WDR7: variants seen among roughly 807,000 people sequenced by gnomAD.
WDR7 encodes WD repeat-containing protein 7.
WDR7 carries 46 observed loss-of-function variants against 169.4 expected under a neutral mutation model. The ratio of observed to expected loss-of-function variants is 0.27; its 90% CI spans 0.21 to 0.35. WDR7 has a LOEUF of 0.35. WDR7 is among the 10% of genes least tolerant of loss of function. WDR7 has a pLI of 1.00. For synonymous variants in WDR7, 612 were observed against 666.8 expected, an observed-to-expected ratio of 0.92 and a Z score of 1.27; for missense variants, 1,534 against 1,859.3, an observed-to-expected ratio of 0.83 and a Z score of 3.22.
At chr18:56,941,031 AAGG>A (rs2047029624) in intron 25 of WDR7, among the ~76,000 whole-genome samples, 1 of 152,176 alleles carries the variant, frequency 6.6e-6, no homozygotes, top group African/African-American at 2.4e-5. Flanking sequence ...ATTTGGCGGA[AAGG>A]AGTTCTATTT....
At chr18:56,981,714 A>G (rs556227326) in intron 26 of WDR7, among the ~76,000 whole-genome samples, 1 of 152,320 alleles carries the variant, frequency 6.6e-6, no homozygotes, top group African/African-American at 2.4e-5. Context: ...AGATTTGGCA[A>G]CAGAAGGTCA....
At chr18:56,891,388 A>G (rs1007668215) in intron 21 of WDR7, among the ~76,000 whole-genome samples, 2 of 152,134 alleles carry the variant, frequency 1.3e-5, no homozygotes, top group African/African-American at 2.4e-5. Context: ...GGAATAGTAT[A>G]TAACAGTAGC....
intron 25 of WDR7, among the ~76,000 whole-genome samples, chr18:56,948,881 C>G (rs1318138045): frequency 6.6e-6 from 1 of 152,192 alleles, no homozygotes; most frequent in East Asian, 1.9e-4. Context: ...CTGACCATTG[C>G]TGAGTTCCAA....
intron 20 of WDR7, among the ~76,000 whole-genome samples, chr18:56,854,576 G>A (rs1458759968): frequency 6.6e-6 from 1 of 152,170 alleles, no homozygotes; most frequent in Non-Finnish European, 1.5e-5. Context: ...TAATGTGATT[G>A]GACAGAAAAG....
chr18:56,709,950 G>A (rs984928112), intron 12 of WDR7, among the ~76,000 whole-genome samples: 3 of 150,348 alleles, frequency 2.0e-5, no homozygotes, highest in African/African-American at 7.3e-5. Context: ...AAGGTAAAAG[G>A]TCACCTGTTA....
Position 56,691,131 on chromosome 18 carries a change from G to T in WDR7, c.718-85G>T. 3 of 1,513,944 alleles carry T rather than the reference G, an allele frequency of 2.0e-6. No individual in the cohort carries two copies. The South Asian group carries it at 3.9e-5, about 19-fold the overall frequency. The allele number at this position is 1,513,944 out of a possible 1,614,324, so 93.8% of individuals were successfully genotyped here. A position where few individuals can be genotyped will look rare whatever the true frequency, so the allele number is the denominator to read the frequency against. On this transcript the variant is annotated intron_variant, in intron 7 of 27. Coordinates refer to ENST00000254442, the MANE Select transcript of WDR7 (RefSeq NM_015285.3). ...CTGAGTTTTCTAAATACATTTCCAG[G>T]CTTTTTTTTTAAACTTGAAATGTCA... is the stretch of plus-strand genomic sequence containing the variant.
At chr18:56,661,891 C>T (rs2024911986) in intron 1 of WDR7, among the ~76,000 whole-genome samples, 1 of 152,210 alleles carries the variant, frequency 6.6e-6, no homozygotes, top group Non-Finnish European at 1.5e-5. Flanking sequence ...CACACACACA[C>T]ACAAAATACA....
At chr18:57,032,365 A>G (rs933840476), downstream of WDR7, 1 of 152,210 alleles carries the variant, frequency 6.6e-6, no homozygotes, top group South Asian at 2.1e-4. Flanking sequence ...TCTGTTGCCA[A>G]TATCTTCTTG....
intron 5 of WDR7, among the ~76,000 whole-genome samples, chr18:56,683,124 T>C (rs1244142088): frequency 6.6e-6 from 1 of 152,182 alleles, no homozygotes; most frequent in Non-Finnish European, 1.5e-5. Flanking sequence ...GGAGGAAGAA[T>C]AGCTTAACCT....
intron 25 of WDR7, among the ~76,000 whole-genome samples, chr18:56,944,487 C>T: frequency 6.6e-6 from 1 of 152,212 alleles, no homozygotes; most frequent in Admixed American, 6.5e-5. Context: ...ATGAGTGGTA[C>T]ATTCAGTCAC....
chr18:56,804,586 A>G (rs1482298644), intron 19 of WDR7, among the ~76,000 whole-genome samples: 7 of 152,172 alleles, frequency 4.6e-5, no homozygotes, highest in South Asian at 4.1e-4. Context: ...CAGTGAACCT[A>G]TTCATAAAGA....
intron 14 of WDR7, among the ~76,000 whole-genome samples, chr18:56,736,270 A>G (rs1279934211): frequency 6.6e-6 from 1 of 152,176 alleles, no homozygotes; most frequent in African/African-American, 2.4e-5. Context: ...TTTTAAAAAT[A>G]TGACTATTTG....
chr18:56,736,788 G>C (rs1168111601), intron 14 of WDR7, among the ~76,000 whole-genome samples: 1 of 151,958 alleles, frequency 6.6e-6, no homozygotes, highest in African/African-American at 2.4e-5. Context: ...AGCTTTTGAT[G>C]GAAAAAGAGG....
intron 21 of WDR7, 127 bp downstream of exon 21, chr18:56,880,292 G>A: frequency 2.2e-6 from 2 of 890,056 alleles, no homozygotes; most frequent in Non-Finnish European, 3.4e-6. Flanking sequence ...AAGTTAGAAA[G>A]CAGTACAATC....
At chr18:56,704,216 A>G (rs1436528876) in intron 12 of WDR7, among the ~76,000 whole-genome samples, 3 of 152,094 alleles carry the variant, frequency 2.0e-5, no homozygotes, top group Non-Finnish European at 1.5e-5. Context: ...CCAAATTTGT[A>G]CTACTATTCT....
intron 3 of WDR7, among the ~76,000 whole-genome samples, chr18:56,679,711 A>G (rs549586359): frequency 9.2e-5 from 14 of 152,208 alleles, no homozygotes; most frequent in Non-Finnish European, 2.1e-4. Flanking sequence ...TTAAAGCACG[A>G]TCATTCATCT....
At chr18:56,894,443 C>T (rs1426938266) in intron 21 of WDR7, among the ~76,000 whole-genome samples, 1 of 151,976 alleles carries the variant, frequency 6.6e-6, no homozygotes, top group African/African-American at 2.4e-5. Flanking sequence ...GACACTCTTT[C>T]CCCCAGATAC....
chr18:56,691,589 C>A, intron 8 of WDR7, 126 bp from the exon 9 acceptor site: 16 of 863,320 alleles, frequency 1.9e-5, no homozygotes, highest in South Asian at 2.7e-5. Flanking sequence ...AATTTAATGC[C>A]TGCATTAAAT....
chr18:56,851,566 A>C (rs1435564278), intron 20 of WDR7, among the ~76,000 whole-genome samples: 1 of 152,098 alleles, frequency 6.6e-6, no homozygotes, highest in Admixed American at 6.6e-5. Context: ...TTGATGACCT[A>C]CCAAAGCACC....
Sources: allele counts gnomAD v4.1 joint callset (sites outside exome capture counted in the v4.1 genomes callset), GRCh38; gene constraint gnomAD v4.1.1; transcripts MANE v1.5; gene names NCBI Gene and HGNC (gene_info 2026-07-23, HGNC 2026-07-21).